The following TFAP2D variants were observed in gnomAD, a reference collection of about 807,000 sequenced individuals.
TFAP2D encodes transcription factor AP-2-delta.
Under a neutral mutation model 43.6 loss-of-function variants are expected in TFAP2D, and 9 were observed. The observed-to-expected ratio is 0.21, with a 90% CI of 0.12 to 0.36. The LOEUF is 0.36. Among genes scored for constraint, TFAP2D ranks in the 10% least tolerant of loss-of-function variants. TFAP2D has a pLI of 1.00. For missense variants in TFAP2D, 513 were observed against 561.4 expected (o/e 0.91, Z 0.87); for synonymous variants, 256 against 224.9 (o/e 1.14, Z -1.24).
chr6:50,721,275 G>T (rs1768719481), intron 3 of TFAP2D, among the ~76,000 whole-genome samples: 2 of 152,112 alleles, frequency 1.3e-5, no homozygotes, highest in Admixed American at 1.3e-4. Flanking sequence ...TGTAATTTGG[G>T]GTTTACGTCT....
intron 7 of TFAP2D, among the ~76,000 whole-genome samples, chr6:50,768,078 T>C (rs1345464063): frequency 6.6e-6 from 1 of 152,206 alleles, no homozygotes; most frequent in African/African-American, 2.4e-5. Flanking sequence ...CTGGTGAAAT[T>C]ATATGCAAAT....
intron 5 of TFAP2D, among the ~76,000 whole-genome samples, chr6:50,729,595 GA>G (rs1345455109): frequency 3.9e-5 from 6 of 152,174 alleles, no homozygotes; most frequent in African/African-American, 1.4e-4. Context: ...ACAGCAACAT[GA>G]AATTGGCAGC....
chr6:50,731,488 A>G (rs1768892608), intron 5 of TFAP2D, among the ~76,000 whole-genome samples: 1 of 151,826 alleles, frequency 6.6e-6, no homozygotes. Flanking sequence ...AAGTTTTAGT[A>G]CTATGTACAA....
chr6:50,754,106 T>C (rs1341663940), intron 7 of TFAP2D, among the ~76,000 whole-genome samples: 19 of 151,900 alleles, frequency 1.3e-4, no homozygotes, highest in Admixed American at 1.3e-3. Flanking sequence ...ACTGCCTCTG[T>C]ACCCATTAAA....
intron 3 of TFAP2D, among the ~76,000 whole-genome samples, chr6:50,720,936 G>A (rs1768713386): frequency 6.6e-6 from 1 of 152,198 alleles, no homozygotes; most frequent in African/African-American, 2.4e-5. Flanking sequence ...CTGAGCGTAA[G>A]ATACCTGACA....
chr6:50,714,240 G>A, intron 1 of TFAP2D, 146 bp downstream of exon 1: 1 of 970,906 alleles, frequency 1.0e-6, no homozygotes, highest in South Asian at 1.5e-5. Context: ...TGTCTTTCGG[G>A]GGAAGTTAAG....
intron 3 of TFAP2D, among the ~76,000 whole-genome samples, chr6:50,722,816 G>C (rs926446761): frequency 6.6e-6 from 1 of 152,068 alleles, no homozygotes; most frequent in African/African-American, 2.4e-5. Context: ...ACTAAAAAGG[G>C]GGGGGCGGGG....
intron 3 of TFAP2D, among the ~76,000 whole-genome samples, chr6:50,722,518 T>A (rs975221906): frequency 6.6e-6 from 1 of 152,048 alleles, no homozygotes; most frequent in African/African-American, 2.4e-5. Context: ...ACTCTTTTTT[T>A]CCCCCCTGAA....
chr6:50,762,461 C>T (rs186270914), intron 7 of TFAP2D, among the ~76,000 whole-genome samples: 1 of 152,120 alleles, frequency 6.6e-6, no homozygotes, highest in Non-Finnish European at 1.5e-5. Flanking sequence ...TTCTTCAAAT[C>T]ATTGAAATGT....
intron 7 of TFAP2D, among the ~76,000 whole-genome samples, chr6:50,772,384 G>C (rs1769541437): frequency 6.6e-6 from 1 of 152,042 alleles, no homozygotes; most frequent in African/African-American, 2.4e-5. Context: ...AGAACTTAAA[G>C]TATAATAAAA....
chr6:50,733,657 C>T (rs1451245686), intron 5 of TFAP2D, among the ~76,000 whole-genome samples: 2 of 152,108 alleles, frequency 1.3e-5, no homozygotes, highest in African/African-American at 2.4e-5. Context: ...CCATATTTTA[C>T]TTCAGAAGTA....
chr6:50,730,272 T>C (rs1448019695), intron 5 of TFAP2D, among the ~76,000 whole-genome samples: 2 of 152,194 alleles, frequency 1.3e-5, no homozygotes, highest in African/African-American at 2.4e-5. Context: ...GTTCTTGACA[T>C]TTGTCTTGGC....
chr6:50,713,847 G>A lies in TFAP2D; in HGVS notation c.-209G>A, dbSNP rs1189309098. 4.5e-6 allele frequency: 3 copies of A among 660,998 alleles called. No individual in the cohort carries two copies. The highest frequency in any genetic ancestry group is 3.1e-5 in the Admixed American group (1 of 32,624). The allele number at this position is 660,998 out of a possible 1,614,324, so 40.9% of individuals were successfully genotyped here. A position where few individuals can be genotyped will look rare whatever the true frequency, so the allele number is the denominator to read the frequency against. On this transcript the variant is annotated 5_prime_UTR_variant, in exon 1 of 8. Transcript: ENST00000008391. The stretch of plus-strand genomic sequence containing the variant: ...TGTTCCAGGGAGCTGCTTTTGTGCA[G>A]AGGGAAAATTTTGTTCCTACAGGTT...
intron 3 of TFAP2D, 151 bp from the exon 4 acceptor site, chr6:50,728,705 G>C: frequency 1.4e-6 from 1 of 695,968 alleles, no homozygotes; most frequent in Non-Finnish European, 2.4e-6. Context: ...AGAACATTTA[G>C]AGCAGCTCCC....
intron 3 of TFAP2D, among the ~76,000 whole-genome samples, chr6:50,720,486 AACACACACAC>A (rs59484837): frequency 0.019 from 2,660 of 139,116 alleles, 31 homozygotes; most frequent in Non-Finnish European, 0.023. Context: ...TGGAGATTAA[AACACACACAC>A]ACACACACAC....
chr6:50,740,007 G>C (rs1251723647), intron 5 of TFAP2D, among the ~76,000 whole-genome samples: 1 of 152,172 alleles, frequency 6.6e-6, no homozygotes, highest in Non-Finnish European at 1.5e-5. Flanking sequence ...TGGGAAATCT[G>C]TAAGTCAGGG....
rs1052456921 is a variant in TFAP2D at position 50,760,340 on chromosome 6, A to G, written c.1139+9016A>G. ...ATTTTTTTCTCTGCATTTAAATGGA[A>G]TGAGGGTTGTTTAAAAAATACTGAT... On this transcript the variant is annotated intron_variant, in intron 7 of 7. Coordinates refer to ENST00000008391, the MANE Select transcript of TFAP2D (RefSeq NM_172238.4). Among the ~76,000 whole-genome samples the G allele has an allele frequency of 3.3e-5, 5 of 152,018 alleles. 1 individual carries two copies. Among genetic ancestry groups the G allele is most frequent in the African/African-American group, 9.7e-5 (4 of 41,416 alleles).
chr6:50,735,337 A>ACTTT (rs1251351683), intron 5 of TFAP2D, among the ~76,000 whole-genome samples: 3 of 152,102 alleles, frequency 2.0e-5, no homozygotes, highest in Non-Finnish European at 4.4e-5. Context: ...AATTTAACTA[A>ACTTT]AGTAAAACTC....
rs777807883 is a variant in TFAP2D at position 50,751,254 on chromosome 6, T to A, written c.1069T>A (p.Ser357Thr). 3 of 1,611,670 alleles carry A rather than the reference T, an allele frequency of 1.9e-6. No homozygotes were observed. Among genetic ancestry groups the A allele is most frequent in the South Asian group, 2.2e-5 (2 of 91,006 alleles). The change falls in exon 7 of 8, where the codon TCA becomes ACA. Residue 357 changes from serine to threonine, a missense_variant. Physicochemically the swap from Ser to Thr is moderately conservative, Grantham distance 58. Coordinates refer to ENST00000008391, the MANE Select transcript of TFAP2D (RefSeq NM_172238.4). The part of the protein sequence containing the change: ...EFQDLLSQDR[S>T]PLGSSRPTPI... ...CCAAGACCTCTTGAGCCAAGATAGA[T>A]CACCACTGGGATCCTCCAGACCCAC...
Sources: allele counts gnomAD v4.1 joint callset (sites outside exome capture counted in the v4.1 genomes callset), GRCh38; gene constraint gnomAD v4.1.1; transcripts MANE v1.5; gene names NCBI Gene and HGNC (gene_info 2026-07-23, HGNC 2026-07-21).